Variants in SCAPER observed in about 807,000 individuals in gnomAD.
SCAPER encodes S phase cyclin A-associated protein in the endoplasmic reticulum.
In SCAPER, 98 loss-of-function variants were observed where a neutral mutation model predicts 182.2. The ratio of observed to expected loss-of-function variants is 0.54; its 90% CI spans 0.46 to 0.64. The LOEUF is 0.64. SCAPER is among the 30% of genes least tolerant of loss of function. The pLI is 0.00. For synonymous variants in SCAPER, 605 were observed against 564.6 expected, an observed-to-expected ratio of 1.07 and a Z score of -1.01; for missense variants, 1,432 against 1,690.0, an observed-to-expected ratio of 0.85 and a Z score of 2.68.
intron 26 of SCAPER, among the ~76,000 whole-genome samples, chr15:76,424,132 A>G (rs954197168): frequency 1.3e-5 from 2 of 152,136 alleles, no homozygotes; most frequent in Admixed American, 1.3e-4. Context: ...GATGTCTGTT[A>G]GGTCTTCTTG....
chr15:76,599,636 T>C (rs897567643), intron 22 of SCAPER, among the ~76,000 whole-genome samples: 2 of 121,916 alleles, frequency 1.6e-5, no homozygotes, highest in African/African-American at 5.0e-5. Context: ...TACATACTAT[T>C]TGATTTCATT....
chr15:76,374,566 T>A (rs1027643508), intron 29 of SCAPER, among the ~76,000 whole-genome samples: 2 of 147,460 alleles, frequency 1.4e-5, no homozygotes, highest in Non-Finnish European at 3.0e-5. Context: ...CATCGCAACC[T>A]CTGCCTCCTG....
intron 24 of SCAPER, among the ~76,000 whole-genome samples, chr15:76,488,655 CT>C (rs2051909939): frequency 1.4e-5 from 2 of 146,164 alleles, no homozygotes; most frequent in South Asian, 4.6e-4. Context: ...TTAGGAAGGG[CT>C]TGTGGGACCA....
chr15:76,690,402 C>A (rs889306986), intron 20 of SCAPER, among the ~76,000 whole-genome samples: 5 of 151,968 alleles, frequency 3.3e-5, no homozygotes, highest in Non-Finnish European at 1.5e-5. Flanking sequence ...CAGAGAGTAC[C>A]AAGGGGACAT....
intron 22 of SCAPER, among the ~76,000 whole-genome samples, chr15:76,585,268 T>C (rs949145707): frequency 6.6e-6 from 1 of 152,152 alleles, no homozygotes; most frequent in African/African-American, 2.4e-5. Flanking sequence ...AATGGTCGAC[T>C]ATTATTACTG....
intron 17 of SCAPER, among the ~76,000 whole-genome samples, chr15:76,719,453 T>A (rs1370339059): frequency 2.0e-5 from 3 of 152,140 alleles, no homozygotes; most frequent in Non-Finnish European, 2.9e-5. Flanking sequence ...ATATGTAAGA[T>A]GAACAAGTCT....
chr15:76,900,342 TAAAAAAAA>T (rs56677318), intron 1 of SCAPER, among the ~76,000 whole-genome samples: 9 of 59,112 alleles, frequency 1.5e-4, no homozygotes, highest in African/African-American at 5.7e-4. Flanking sequence ...CAATAAATAC[TAAAAAAAA>T]AAAAAAAAAA....
At chr15:76,371,245 A>G (rs1332390376) in intron 29 of SCAPER, among the ~76,000 whole-genome samples, 1 of 152,158 alleles carries the variant, frequency 6.6e-6, no homozygotes, top group Admixed American at 6.5e-5. Context: ...TTCAAGAGAC[A>G]AGAGATGGCA....
At chr15:76,681,596 G>C (rs941645899) in intron 20 of SCAPER, among the ~76,000 whole-genome samples, 11 of 152,320 alleles carry the variant, frequency 7.2e-5, no homozygotes, top group Admixed American at 7.2e-4. Context: ...CTGGGATGAA[G>C]AGGGAGGAAG....
intron 2 of SCAPER, among the ~76,000 whole-genome samples, chr15:76,873,148 G>A (rs1318026054): frequency 8.6e-5 from 13 of 151,600 alleles, no homozygotes; most frequent in Admixed American, 7.9e-4. Context: ...CTACTCAAGA[G>A]GCTGAGGTGG....
chr15:76,407,626 AAGTT>A (rs1015168529), intron 26 of SCAPER, among the ~76,000 whole-genome samples: 23 of 152,216 alleles, frequency 1.5e-4, no homozygotes, highest in African/African-American at 4.1e-4. Flanking sequence ...TCAGTAGAAA[AAGTT>A]AGCCATAATT....
intron 23 of SCAPER, among the ~76,000 whole-genome samples, chr15:76,514,778 T>C (rs907635954): frequency 6.6e-6 from 1 of 152,232 alleles, no homozygotes; most frequent in African/African-American, 2.4e-5. Context: ...AAAATTTTTA[T>C]GGTCGTTTTT....
intron 26 of SCAPER, among the ~76,000 whole-genome samples, chr15:76,407,323 A>G (rs191780484): frequency 1.3e-5 from 2 of 152,324 alleles, no homozygotes; most frequent in Admixed American, 6.5e-5. Flanking sequence ...AACCATAGAA[A>G]GGGTACAGTA....
intron 27 of SCAPER, among the ~76,000 whole-genome samples, chr15:76,398,308 A>C (rs1428574379): frequency 6.6e-6 from 1 of 152,208 alleles, no homozygotes; most frequent in East Asian, 1.9e-4. Context: ...GCAGCATGTT[A>C]AGTGCTTTTG....
At chr15:76,816,587 G>A (rs905281162) in intron 5 of SCAPER, among the ~76,000 whole-genome samples, 7 of 151,758 alleles carry the variant, frequency 4.6e-5, no homozygotes, top group African/African-American at 1.7e-4. Flanking sequence ...CTTTCTTTTT[G>A]TTAAGCAGAA....
intron 20 of SCAPER, among the ~76,000 whole-genome samples, chr15:76,684,502 A>T (rs2057915275): frequency 6.6e-6 from 1 of 152,054 alleles, no homozygotes; most frequent in South Asian, 2.1e-4. Context: ...AAAATTTAAA[A>T]ATTAAATAAA....
chr15:76,368,293 C>G (rs1191361478), intron 29 of SCAPER, among the ~76,000 whole-genome samples: 8 of 152,230 alleles, frequency 5.3e-5, no homozygotes, highest in African/African-American at 1.9e-4. Flanking sequence ...ATTAAGCCAA[C>G]TCTAAAAGTT....
intron 20 of SCAPER, among the ~76,000 whole-genome samples, chr15:76,682,577 G>A (rs959193775): frequency 2.6e-5 from 4 of 152,142 alleles, no homozygotes; most frequent in African/African-American, 2.4e-5. Flanking sequence ...AAAACAGTGC[G>A]GCATTTGCTG....
At chr15:76,372,026 CT>C (rs949489734) in intron 29 of SCAPER, among the ~76,000 whole-genome samples, 11 of 149,714 alleles carry the variant, frequency 7.3e-5, no homozygotes, top group Admixed American at 1.3e-4. Flanking sequence ...ACTTCTCTAC[CT>C]TTTTTTTTTA....
Sources: allele counts gnomAD v4.1 joint callset (sites outside exome capture counted in the v4.1 genomes callset), GRCh38; gene constraint gnomAD v4.1.1; transcripts MANE v1.5; gene names NCBI Gene and HGNC (gene_info 2026-07-23, HGNC 2026-07-21).